SPACA1: variants seen among roughly 807,000 people sequenced by gnomAD.
SPACA1 encodes the protein sperm acrosome membrane-associated protein 1.
Under a neutral mutation model 32.6 loss-of-function variants are expected in SPACA1, and 17 were observed. The ratio of observed to expected loss-of-function variants is 0.52; its 90% CI spans 0.36 to 0.78. The LOEUF is 0.78. Among genes scored for constraint, SPACA1 ranks in the 30% least tolerant of loss-of-function variants. SPACA1 has a pLI of 0.01. For missense variants in SPACA1, 363 were observed against 373.4 expected, an observed-to-expected ratio of 0.97 and a Z score of 0.23; for synonymous variants, 140 against 138.1, an observed-to-expected ratio of 1.01 and a Z score of -0.10.
intron 1 of SPACA1, among the ~76,000 whole-genome samples, chr6:88,051,346 A>G (rs969413128): frequency 2.6e-5 from 4 of 152,182 alleles, no homozygotes; most frequent in African/African-American, 9.7e-5. Context: ...ATATAACTAT[A>G]TGTTATTTTT....
chr6:88,059,976 A>C (rs1352203435), intron 5 of SPACA1, among the ~76,000 whole-genome samples: 2 of 152,234 alleles, frequency 1.3e-5, no homozygotes, highest in Non-Finnish European at 2.9e-5. Context: ...GGATAAATGG[A>C]ATTCTCATGG....
upstream of SPACA1, chr6:88,047,763 C>G (rs1046901763): frequency 1.2e-6 from 1 of 830,090 alleles, no homozygotes; most frequent in Non-Finnish European, 1.8e-6. Flanking sequence ...AGCAGCGCCC[C>G]GGCAACCATT....
At chr6:88,064,010 A>T in intron 5 of SPACA1, 89 bp from the exon 6 acceptor site, 1 of 1,401,998 alleles carries the variant, frequency 7.1e-7, no homozygotes, top group South Asian at 1.5e-5. Context: ...ATGTTTCTAG[A>T]GTTGTTTTTC....
intron 5 of SPACA1, among the ~76,000 whole-genome samples, chr6:88,060,036 G>T (rs750544005): frequency 6.6e-6 from 1 of 152,108 alleles, no homozygotes; most frequent in Non-Finnish European, 1.5e-5. Flanking sequence ...TAAGAAATAC[G>T]ATGTCAAAGT....
chr6:88,061,579 G>T (rs916306161), intron 5 of SPACA1, among the ~76,000 whole-genome samples: 2 of 152,112 alleles, frequency 1.3e-5, no homozygotes, highest in Admixed American at 1.3e-4. Context: ...CAGAATCCAA[G>T]GAATTTCTGA....
chr6:88,047,547 C>A (rs1235422042), upstream of SPACA1, among the ~76,000 whole-genome samples: 1 of 152,160 alleles, frequency 6.6e-6, no homozygotes, highest in African/African-American at 2.4e-5. Context: ...TGAAGAGTCG[C>A]TCCATAAACT....
At chr6:88,050,464 C>T (rs909027770) in intron 1 of SPACA1, among the ~76,000 whole-genome samples, 2 of 152,190 alleles carry the variant, frequency 1.3e-5, no homozygotes, top group African/African-American at 4.8e-5. Flanking sequence ...CTCTTTTCAT[C>T]TTCTGATTCG....
intron 1 of SPACA1, among the ~76,000 whole-genome samples, chr6:88,050,360 A>G (rs1004654056): frequency 1.3e-5 from 2 of 152,234 alleles, no homozygotes; most frequent in South Asian, 2.1e-4. Context: ...TTCATCTAGT[A>G]TATTCATCCA....
chr6:88,063,367 TA>T (rs1378473780), intron 5 of SPACA1, among the ~76,000 whole-genome samples: 1 of 152,186 alleles, frequency 6.6e-6, no homozygotes, highest in East Asian at 1.9e-4. Context: ...CTAGTAATAA[TA>T]AAAAAATGAT....
chr6:88,054,470 A>G (rs1775777290), intron 2 of SPACA1, among the ~76,000 whole-genome samples: 1 of 152,218 alleles, frequency 6.6e-6, no homozygotes, highest in Non-Finnish European at 1.5e-5. Context: ...ATATTCAAAG[A>G]ATATGACTTA....
At chr6:88,058,659 C>T (rs1775845636) in intron 3 of SPACA1, 57 bp from the exon 4 acceptor site, 13 of 1,242,472 alleles carry the variant, frequency 1.0e-5, no homozygotes, top group South Asian at 6.5e-5. Context: ...AAAGTAATTT[C>T]GTGTATAAAG....
intron 5 of SPACA1, among the ~76,000 whole-genome samples, chr6:88,062,755 C>T (rs985748406): frequency 2.6e-5 from 4 of 151,932 alleles, no homozygotes; most frequent in African/African-American, 9.7e-5. Flanking sequence ...TCAAGGCCAG[C>T]CTGGGCAATA....
chr6:88,065,376 T>C (rs557128870), intron 6 of SPACA1, among the ~76,000 whole-genome samples: 1 of 147,956 alleles, frequency 6.8e-6, no homozygotes, highest in Non-Finnish European at 1.5e-5. Flanking sequence ...ATATATTATA[T>C]ATACATATAG....
At chr6:88,059,646 A>C in intron 5 of SPACA1, 58 bp downstream of exon 5, 1 of 1,518,952 alleles carries the variant, frequency 6.6e-7, no homozygotes, top group Non-Finnish European at 8.9e-7. Context: ...GAGCATTAAA[A>C]TCACTTAGAG....
chr6:88,057,111 G>A (rs144926133), intron 2 of SPACA1, among the ~76,000 whole-genome samples: 111 of 152,144 alleles, frequency 7.3e-4, no homozygotes, highest in African/African-American at 2.5e-3. Flanking sequence ...TCAAATCCAC[G>A]AATTTATGGA....
chr6:88,056,280 G>A (rs1184217192), intron 2 of SPACA1, among the ~76,000 whole-genome samples: 1 of 152,158 alleles, frequency 6.6e-6, no homozygotes, highest in Non-Finnish European at 1.5e-5. Flanking sequence ...CTTGAACCCG[G>A]GAGGCGGAGG....
At chr6:88,065,001 TA>T (rs1775956914) in intron 6 of SPACA1, among the ~76,000 whole-genome samples, 2 of 148,854 alleles carry the variant, frequency 1.3e-5, no homozygotes, top group Admixed American at 1.4e-4. Flanking sequence ...TTGTGATGCA[TA>T]TATATTACAT....
At chr6:88,052,614 A>G (rs1189679614) in intron 1 of SPACA1, among the ~76,000 whole-genome samples, 1 of 152,190 alleles carries the variant, frequency 6.6e-6, no homozygotes, top group Non-Finnish European at 1.5e-5. Flanking sequence ...AGGCTGGTGG[A>G]TCACTTGAGG....
At chr6:88,053,859 A>C in intron 1 of SPACA1, 87 bp from the exon 2 acceptor site, 9 of 1,096,582 alleles carry the variant, frequency 8.2e-6, no homozygotes, top group Non-Finnish European at 1.2e-5. Context: ...CATATCATAC[A>C]CATGTCTTTC....
Sources: gnomAD v4.1 joint callset for allele counts (sites outside exome capture counted in the v4.1 genomes callset) on GRCh38, gnomAD v4.1.1 for gene constraint, MANE v1.5 for transcripts, NCBI Gene and HGNC (gene_info 2026-07-23, HGNC 2026-07-21) for gene names.